Variants in UAP1 observed in about 807,000 individuals in gnomAD.
The protein encoded by UAP1 is UDP-N-acetylhexosamine pyrophosphorylase.
Under a neutral mutation model 58.5 loss-of-function variants are expected in UAP1, and 25 were observed. That is an observed-to-expected ratio of 0.43 (90% confidence interval 0.31 to 0.60). The LOEUF (loss-of-function observed/expected upper bound fraction) is 0.60. Among genes scored for constraint, UAP1 ranks in the 20% least tolerant of loss-of-function variants. UAP1 has a pLI of 0.11. For missense variants in UAP1, 575 were observed against 630.0 expected (o/e 0.91, Z 0.93); for synonymous variants, 208 against 213.0 (o/e 0.98, Z 0.21).
exon 2 of UAP1, chr1:162,566,118 A>T (rs754395052): frequency 6.2e-7 from 1 of 1,613,036 alleles, no homozygotes; most frequent in Non-Finnish European, 8.5e-7. Context: ...GGGCAAGAGC[A>T]CCTACTACGT....
chr1:162,573,795 G>A (rs981099785), intron 2 of UAP1, among the ~76,000 whole-genome samples: 4 of 151,770 alleles, frequency 2.6e-5, no homozygotes, highest in African/African-American at 9.7e-5. Context: ...TGAGACCCCT[G>A]TCTACTAAAA....
At chr1:162,566,171 G>A in exon 2 of UAP1, 1 of 1,614,062 alleles carries the variant, frequency 6.2e-7, no homozygotes, top group South Asian at 1.1e-5. Context: ...AGAACTTTAT[G>A]CAGAGCTCCA....
chr1:162,595,701 A>G (rs914029126), intron 9 of UAP1, among the ~76,000 whole-genome samples: 1 of 152,202 alleles, frequency 6.6e-6, no homozygotes, highest in Non-Finnish European at 1.5e-5. Context: ...CACTTCTTAC[A>G]GACTACTGGG....
chr1:162,599,222 T>C, intron 10 of UAP1, 49 bp from the exon 11 acceptor site: 1 of 1,337,226 alleles, frequency 7.5e-7, no homozygotes, highest in Non-Finnish European at 1.1e-6. Context: ...CAGCACTGCA[T>C]GACAAGTGCA....
intron 9 of UAP1, among the ~76,000 whole-genome samples, chr1:162,594,300 T>C (rs1346732725): frequency 1.3e-5 from 2 of 152,208 alleles, no homozygotes; most frequent in Admixed American, 1.3e-4. Context: ...ATCCCTTACA[T>C]GGGCAGTTCA....
intron 3 of UAP1, 67 bp downstream of exon 3, chr1:162,577,048 T>A: frequency 7.3e-7 from 1 of 1,366,364 alleles, no homozygotes; most frequent in South Asian, 1.2e-5. Flanking sequence ...AAAATGCATA[T>A]ATACTTTATG....
rs768089603 is a variant in UAP1, at chr1:162,576,891, G to T, written c.395G>T (p.Arg132Leu). 3.1e-6 allele frequency: 5 copies of T among 1,614,108 alleles called. No individual in the cohort carries two copies. In the South Asian group the frequency reaches 5.5e-5, roughly 18 times the overall value. Residue 132 changes from arginine (R) to leucine (L), a missense_variant, in exon 3 of 11, where the codon CGT becomes CTT. Physicochemically the swap from Arg to Leu is moderately radical, Grantham distance 102. Coordinates refer to ENST00000271469, the Ensembl canonical transcript of UAP1. ...ATGTATGATGTTGGTTTGCCATCCC[G>T]TAAGACACTTTTTCAGATTCAAGCA...
chr1:162,575,099 C>G (rs539543162), intron 2 of UAP1, among the ~76,000 whole-genome samples: 1 of 152,244 alleles, frequency 6.6e-6, no homozygotes, highest in Non-Finnish European at 1.5e-5. Context: ...GACAGAGTCC[C>G]GCTGTGTTGC....
intron 4 of UAP1, 114 bp downstream of exon 4, chr1:162,579,717 G>T (rs558631837): frequency 2.2e-6 from 2 of 922,780 alleles, no homozygotes; most frequent in Non-Finnish European, 3.1e-6. Context: ...ATATATATGT[G>T]TTTTTTGCAG....
At chr1:162,589,444 C>T (rs889709813) in intron 7 of UAP1, among the ~76,000 whole-genome samples, 10 of 149,868 alleles carry the variant, frequency 6.7e-5, no homozygotes, top group Admixed American at 4.1e-4. Flanking sequence ...TGAGCCACTA[C>T]GCCCCGCCTT....
intron 2 of UAP1, among the ~76,000 whole-genome samples, chr1:162,566,753 A>G (rs1317666182): frequency 6.6e-6 from 1 of 151,932 alleles, no homozygotes; most frequent in East Asian, 1.9e-4. Flanking sequence ...CAGCCTCCCA[A>G]GTAGCTGGGA....
chr1:162,591,469 C>T (rs976304829), intron 8 of UAP1, among the ~76,000 whole-genome samples: 1 of 152,028 alleles, frequency 6.6e-6, no homozygotes, highest in African/African-American at 2.4e-5. Flanking sequence ...TACTTTTCAG[C>T]TAAATCTGTT....
chr1:162,563,465 G>C lies in UAP1; in HGVS notation c.-58+1688G>C, dbSNP rs1012549779. ...CTACAACCTCCGCCTCCCCGGTTCA[G>C]GCGATTCTCCTGCCTCAGCCTCCTG... On this transcript the variant is annotated intron_variant, in intron 1 of 10. Coordinates refer to ENST00000271469, the Ensembl canonical transcript of UAP1. Among the ~76,000 whole-genome samples the C allele has an allele frequency of 2.1e-4, 32 of 152,120 alleles. No homozygotes were observed. The East Asian group carries it at 6.2e-3, about 29-fold the overall frequency.
intron 9 of UAP1, chr1:162,597,243 G>C (rs1453717613): frequency 6.6e-6 from 1 of 152,158 alleles, no homozygotes; most frequent in Non-Finnish European, 1.5e-5. Flanking sequence ...CTCGAAGTGT[G>C]ATTATTATGA....
exon 7 of UAP1, chr1:162,588,723 G>A (rs777679734): frequency 5.0e-6 from 8 of 1,611,266 alleles, no homozygotes; most frequent in Admixed American, 3.4e-5. Flanking sequence ...AGCACCATGT[G>A]GCTCAAAAGA....
At chr1:162,592,862 C>A (rs1655404760) in intron 9 of UAP1, 80 bp downstream of exon 9, 6 of 1,322,440 alleles carry the variant, frequency 4.5e-6, no homozygotes, top group Non-Finnish European at 6.4e-6. Context: ...TAGTTTAGTG[C>A]TCTGCCTTTT....
At chr1:162,566,457 G>T in intron 2 of UAP1, 109 bp downstream of exon 2, 3 of 1,161,964 alleles carry the variant, frequency 2.6e-6, no homozygotes, top group Non-Finnish European at 2.4e-6. Flanking sequence ...CATTAAACCA[G>T]GTGACCTAGC....
chr1:162,590,233 T>G, intron 7 of UAP1, 90 bp from the exon 8 acceptor site: 1 of 1,010,392 alleles, frequency 9.9e-7, no homozygotes, highest in Non-Finnish European at 1.4e-6. Flanking sequence ...GAAAGCCTAT[T>G]GTTGAGACCA....
chr1:162,598,150 T>G (rs1299871941), intron 10 of UAP1, among the ~76,000 whole-genome samples: 1 of 152,072 alleles, frequency 6.6e-6, no homozygotes, highest in Non-Finnish European at 1.5e-5. Flanking sequence ...GAGGATTGCT[T>G]GAGCTCAGGA....
Sources: allele counts gnomAD v4.1 joint callset (sites outside exome capture counted in the v4.1 genomes callset), GRCh38; gene constraint gnomAD v4.1.1; transcripts MANE v1.5; gene names NCBI Gene and HGNC (gene_info 2026-07-23, HGNC 2026-07-21).